The following DENND3 variants were observed in gnomAD, a reference collection of about 807,000 sequenced individuals.
The protein encoded by DENND3 is DENN domain-containing protein 3.
A neutral mutation model predicts 135.1 loss-of-function variants in DENND3; 88 were observed. The observed-to-expected ratio is 0.65, with a 90% CI of 0.55 to 0.78. The LOEUF (loss-of-function observed/expected upper bound fraction) is 0.78, where lower values mean the gene tolerates loss of function less well. Ranked by LOEUF, DENND3 falls within the 30% of genes least tolerant of loss-of-function variation. The pLI is 0.00. For synonymous variants in DENND3, 693 were observed against 712.3 expected (o/e 0.97, Z 0.43); for missense variants, 1,392 against 1,688.4 (o/e 0.82, Z 3.08).
In DENND3 at chr8:141,180,782, C is replaced by G. The variant is rs757492102; in HGVS notation, c.2872C>G (p.Leu958Val). The G allele has an allele frequency of 2.5e-6, 4 of 1,613,710 alleles. No homozygotes were observed. The highest frequency in any genetic ancestry group is 3.4e-6 in the Non-Finnish European group (4 of 1,179,840). ...GCTTCCGGAGACAACCCTGGAAACACTGAAGCATAAAATCAACCCCTCGGC... is the reference window on the plus strand; with the variant it reads ...GCTTCCGGAGACAACCCTGGAAACAGTGAAGCATAAAATCAACCCCTCGGC... The part of the protein sequence containing the change: ...MTLPETTLET[L>V]KHKINPSAGE... Residue 958 changes from leucine to valine, a missense_variant, in exon 17 of 23, where the codon CTG (leucine) becomes GTG (valine). Transcript: ENST00000519811.
chr8:141,158,804 AG>A (rs973539746), intron 8 of DENND3, among the ~76,000 whole-genome samples: 9 of 152,142 alleles, frequency 5.9e-5, no homozygotes, highest in African/African-American at 2.2e-4. Flanking sequence ...CCTGGGCAGC[AG>A]GGGTAGGGTC....
At chr8:141,149,974 T>C (rs1818587538) in intron 5 of DENND3, among the ~76,000 whole-genome samples, 3 of 152,184 alleles carry the variant, frequency 2.0e-5, no homozygotes, top group Admixed American at 2.0e-4. Context: ...TGACCTGTTT[T>C]CTCCCCCCGG....
chr8:141,130,234 T>C lies in DENND3; in HGVS notation c.102+1425T>C, dbSNP rs1815834579. ...TTTCTTTTTTTCAATTTCTTTATTATTATTATTATGTTAATAATAGAGAGG... is the reference window on the plus strand; with the variant it reads ...TTTCTTTTTTTCAATTTCTTTATTACTATTATTATGTTAATAATAGAGAGG... On this transcript the variant is annotated intron_variant, in intron 1 of 22. Coordinates refer to ENST00000519811, the MANE Select transcript of DENND3 (RefSeq NM_001352890.3). This position sits in a 1 kb window ranked among gnomAD's most constrained non-coding sequence, Gnocchi z 4.2. Among the ~76,000 whole-genome samples the C allele has an allele frequency of 6.6e-6, 1 of 152,186 alleles. No individual in the cohort carries two copies. The highest frequency in any genetic ancestry group is 1.5e-5 in the Non-Finnish European group (1 of 68,028).
At position 141,168,315 on chromosome 8, in the gene DENND3, G is replaced by C; in HGVS notation, c.2065G>C (p.Glu689Gln). The change falls in exon 13 of 23, where the codon GAG (glutamate) becomes CAG (glutamine). Residue 689 changes from glutamate (E) to glutamine (Q), a missense_variant. Physicochemically the swap from Glu to Gln is conservative, Grantham distance 29 (BLOSUM62 2). Coordinates refer to ENST00000519811, the MANE Select transcript of DENND3 (RefSeq NM_001352890.3). The surrounding 1 kb of genome is among the most constrained non-coding windows in gnomAD (Gnocchi z 6.2). ...TVESMSAPEWEGAEQAPELMR... is the reference protein window; with the variant it reads ...TVESMSAPEWQGAEQAPELMR... ...GGAATCCATGTCTGCCCCTGAGTGG[G>C]AGGGGGCTGAGCAGGCGCCGGAGCT... The C allele has an allele frequency of 6.2e-7, 1 of 1,614,078 alleles. No homozygotes were observed. Among genetic ancestry groups the C allele is most frequent in the Non-Finnish European group, 8.5e-7 (1 of 1,180,020 alleles).
chr8:141,157,984 T>C, intron 8 of DENND3: 1 of 1,091,144 alleles, frequency 9.2e-7, no homozygotes. Context: ...GGTCTCGAAC[T>C]CCTGACCTCA....
At position 141,137,973 on chromosome 8, in the gene DENND3, A is replaced by C. The variant is rs1453645592; in HGVS notation, c.386-49A>C. ...GAAGAAATCAGCTCGTGGGTAACCCAGGCCACTTGGCAAGAACAGGATTCT... is the reference window on the plus strand; with the variant it reads ...GAAGAAATCAGCTCGTGGGTAACCCCGGCCACTTGGCAAGAACAGGATTCT... On this transcript the variant is annotated intron_variant, in intron 2 of 22. Coordinates refer to ENST00000519811, the MANE Select transcript of DENND3 (RefSeq NM_001352890.3). The surrounding 1 kb of genome is among the most constrained non-coding windows in gnomAD (Gnocchi z 4.1). 3 of 1,549,324 alleles carry C rather than the reference A, an allele frequency of 1.9e-6. No homozygotes were observed. Among genetic ancestry groups the C allele is most frequent in the Non-Finnish European group, 2.6e-6 (3 of 1,143,856 alleles).
Position 141,155,969 on chromosome 8 carries a change from A to G in DENND3, c.1195A>G (p.Arg399Gly). 1 of 1,601,206 alleles carries G rather than the reference A, an allele frequency of 6.2e-7. No homozygotes were observed. The highest frequency in any genetic ancestry group is 2.2e-5 in the East Asian group (1 of 44,534). ...CCTGGCAGCCCAGACGTTTATTCAG[A>G]GGTAACGGGAAACATTAATGGTATG... Reference protein sequence around the residue: ...PLLAAQTFIQRVQSLQLHHEL... With the variant: ...PLLAAQTFIQGVQSLQLHHEL... Residue 399 changes from arginine to glycine, a missense_variant and splice_region_variant, in exon 8 of 23, where the codon AGG becomes GGG. Arg to Gly is a moderately radical substitution (Grantham distance 125, BLOSUM62 -2). Coordinates refer to ENST00000519811, the MANE Select transcript of DENND3 (RefSeq NM_001352890.3).
chr8:141,133,334 T>C (rs1816374866), intron 1 of DENND3, among the ~76,000 whole-genome samples: 1 of 152,210 alleles, frequency 6.6e-6, no homozygotes, highest in Admixed American at 6.5e-5. Flanking sequence ...TGCCCACGTA[T>C]GACACGTGGG....
rs112825453 is a variant in DENND3 at position 141,137,953 on chromosome 8, A to C, written c.386-69A>C. 1.0e-3 allele frequency: 1,504 copies of C among 1,500,852 alleles called. 12 individuals carry two copies. The African/African-American group carries it at 0.017, about 17-fold the overall frequency. The allele number at this position is 1,500,852 out of a possible 1,614,324, so 93.0% of individuals were successfully genotyped here. On this transcript the variant is annotated intron_variant, in intron 2 of 22. Transcript: ENST00000519811. The surrounding 1 kb of genome is among the most constrained non-coding windows in gnomAD (Gnocchi z 4.1). ...AGGTGTGTCCTAAACACTGTGAAGA[A>C]ATCAGCTCGTGGGTAACCCAGGCCA...
rs192595009 is a variant in DENND3 at position 141,162,395 on chromosome 8, G to T, written c.1353-938G>T. ...GGATCCCTTGAGCCTAGAAGTTTGAGACCAGCCTGGGCAACATAGCAAGAT... is the reference window on the plus strand; with the variant it reads ...GGATCCCTTGAGCCTAGAAGTTTGATACCAGCCTGGGCAACATAGCAAGAT... On this transcript the variant is annotated intron_variant, in intron 9 of 22. Transcript: ENST00000519811. 7.9e-5 allele frequency among the ~76,000 whole-genome samples: 12 copies of T among 152,040 alleles called. No homozygotes were observed. The East Asian group carries it at 2.3e-3, about 29-fold the overall frequency.
chr8:141,143,965 A>G (rs1817754511), intron 4 of DENND3, 183 bp from the exon 5 acceptor site: 1 of 537,034 alleles, frequency 1.9e-6, no homozygotes, highest in African/African-American at 2.0e-5. Flanking sequence ...CCTGTCAGGC[A>G]CTACCGCAGA....
intron 15 of DENND3, chr8:141,177,477 G>A (rs1200177850): frequency 1.3e-5 from 2 of 152,482 alleles, no homozygotes. Flanking sequence ...CGGGGACGAT[G>A]GCACCCACTA....
rs1820792247 is a variant in DENND3, at chr8:141,166,361, C to T, written c.1725C>T (p.Asp575=). ...APRNSSLRLT[D]TAGCRGSSAV... is the part of the protein sequence containing the mutation. The stretch of plus-strand genomic sequence containing the variant: ...GGAACTCCTCGCTCCGGCTGACGGA[C>T]ACCGCAGGCTGTAGGGGCAGCAGCG... The change falls in exon 12 of 23, where the codon GAC becomes GAT. Residue 575 remains aspartate (D), a synonymous_variant. Transcript: ENST00000519811. The surrounding 1 kb of genome is among the most constrained non-coding windows in gnomAD (Gnocchi z 4.3). 2 of 1,612,902 alleles carry T rather than the reference C, an allele frequency of 1.2e-6. No homozygotes were observed. The highest frequency in any genetic ancestry group is 1.1e-5 in the South Asian group (1 of 91,068).
chr8:141,189,260 G>A, intron 19 of DENND3, 114 bp downstream of exon 19: 3 of 1,400,582 alleles, frequency 2.1e-6, no homozygotes, highest in South Asian at 2.5e-5. Context: ...GGCGTACAGA[G>A]TGAAGTGGAT....
Position 141,175,142 on chromosome 8 carries a change from T to TG in DENND3, c.2276-54dup. 6.4e-7 allele frequency: 1 copy of TG among 1,551,622 alleles called. No individual in the cohort carries two copies. Among genetic ancestry groups the TG allele is most frequent in the South Asian group, 1.2e-5 (1 of 81,284 alleles). ...TTTCTTCAGGTCATGGAGAAGCCCT[T>TG]GGGGCTCCCGAGGTATGTGGCTGTA... On this transcript the variant is annotated intron_variant, in intron 13 of 22. Transcript: ENST00000519811. The surrounding 1 kb of genome is among the most constrained non-coding windows in gnomAD (Gnocchi z 5.4).
chr8:141,182,982 C>T lies in DENND3; in HGVS notation c.2944+2128C>T, dbSNP rs1178489104. ...CCTTCTGGACTCAGGACGGAGGCAG[C>T]ACTGCAGGGCGGGGGGTCGCTTGAA... On this transcript the variant is annotated intron_variant, in intron 17 of 22. Coordinates refer to ENST00000519811, the MANE Select transcript of DENND3 (RefSeq NM_001352890.3). This position sits in a 1 kb window ranked among gnomAD's most constrained non-coding sequence, Gnocchi z 5.9. Among the ~76,000 whole-genome samples, 1 of 152,222 alleles carries T rather than the reference C, an allele frequency of 6.6e-6. No homozygotes were observed. The highest frequency in any genetic ancestry group is 1.5e-5 in the Non-Finnish European group (1 of 68,046).
At chr8:141,170,622 G>A (rs1048835262) in intron 13 of DENND3, among the ~76,000 whole-genome samples, 2 of 152,196 alleles carry the variant, frequency 1.3e-5, no homozygotes, top group Non-Finnish European at 2.9e-5. Context: ...GCCGTGCTTC[G>A]GGGACGCTGA....
rs1820565856 is a variant in DENND3, at chr8:141,164,811, C to T, written c.1450-375C>T. On this transcript the variant is annotated intron_variant, in intron 10 of 22. Transcript: ENST00000519811. ...TGGAGCTGCGCCAGCCACGAGCCTG[C>T]CTCTCGTCCAGCATCTGAAAACAGT... Among the ~76,000 whole-genome samples, 3 of 152,228 alleles carry T rather than the reference C, an allele frequency of 2.0e-5. No individual in the cohort carries two copies. In the South Asian group the frequency reaches 6.2e-4, roughly 32 times the overall value.
chr8:141,143,370 C>T (rs1450261915), intron 4 of DENND3, among the ~76,000 whole-genome samples: 1 of 152,124 alleles, frequency 6.6e-6, no homozygotes, highest in East Asian at 1.9e-4. Flanking sequence ...GTGCTGCACC[C>T]ATTAACTCGT....
Sources: allele counts gnomAD v4.1 joint callset (sites outside exome capture counted in the v4.1 genomes callset), GRCh38; gene constraint gnomAD v4.1.1; non-coding constraint Gnocchi (gnomAD v3.1); transcripts MANE v1.5; gene names NCBI Gene and HGNC (gene_info 2026-07-23, HGNC 2026-07-21).